Variants in DDC observed in about 807,000 individuals in gnomAD.
The protein encoded by DDC is aromatic-L-amino-acid decarboxylase.
A neutral mutation model predicts 60.0 loss-of-function variants in DDC; 43 were observed. That is an observed-to-expected ratio of 0.72 (90% CI 0.56 to 0.92). The LOEUF (loss-of-function observed/expected upper bound fraction) is 0.92, where lower values mean the gene tolerates loss of function less well. Among genes scored for constraint, DDC ranks in the 40% least tolerant of loss-of-function variants. DDC has a pLI of 0.00. For synonymous variants in DDC, 232 were observed against 234.6 expected, an observed-to-expected ratio of 0.99 and a Z score of 0.10; for missense variants, 573 against 620.2, an observed-to-expected ratio of 0.92 and a Z score of 0.81.
intron 6 of DDC, among the ~76,000 whole-genome samples, chr7:50,521,876 G>A (rs2043900782): frequency 6.6e-6 from 1 of 152,144 alleles, no homozygotes; most frequent in Admixed American, 6.5e-5. Context: ...CAGGAATGAG[G>A]CAAGGATGTC....
At chr7:50,494,869 G>A (rs1354889921) in intron 9 of DDC, among the ~76,000 whole-genome samples, 1 of 151,924 alleles carries the variant, frequency 6.6e-6, no homozygotes, top group African/African-American at 2.4e-5. Flanking sequence ...TACCATGTTG[G>A]CCAGGCTGGT....
chr7:50,547,862 C>A (rs915341550), intron 1 of DDC, among the ~76,000 whole-genome samples: 1 of 152,198 alleles, frequency 6.6e-6, no homozygotes, highest in African/African-American at 2.4e-5. Context: ...AGGTACACCC[C>A]GTTTTATTGC....
intron 1 of DDC, among the ~76,000 whole-genome samples, chr7:50,549,004 C>G (rs145908000): frequency 6.6e-6 from 1 of 152,180 alleles, no homozygotes; most frequent in East Asian, 1.9e-4. Context: ...ATAAATGGAA[C>G]AACAAAGCCT....
At chr7:50,540,838 C>G (rs2044607194) in intron 2 of DDC, among the ~76,000 whole-genome samples, 1 of 152,172 alleles carries the variant, frequency 6.6e-6, no homozygotes, top group African/African-American at 2.4e-5. Context: ...CAGGGGGTTT[C>G]AGGATCCAGG....
At chr7:50,542,578 G>C (rs2044668528) in intron 2 of DDC, 1 of 152,156 alleles carries the variant, frequency 6.6e-6, no homozygotes, top group African/African-American at 2.4e-5. Flanking sequence ...CTTGCCCAAC[G>C]CCTGTGCATT....
At chr7:50,476,284 C>G (rs1029232841) in intron 11 of DDC, among the ~76,000 whole-genome samples, 2 of 152,200 alleles carry the variant, frequency 1.3e-5, no homozygotes, top group African/African-American at 4.8e-5. Context: ...CCCTCACTCT[C>G]CCACTGCCAC....
At chr7:50,511,534 C>T (rs2043579805) in intron 6 of DDC, among the ~76,000 whole-genome samples, 1 of 152,004 alleles carries the variant, frequency 6.6e-6, no homozygotes, top group South Asian at 2.1e-4. Flanking sequence ...TGAGGCCATC[C>T]CGGCTAACAC....
chr7:50,565,116 C>T, intron 1 of DDC, among the ~76,000 whole-genome samples, 169 bp downstream of exon 1: 1 of 152,192 alleles, frequency 6.6e-6, no homozygotes, highest in Admixed American at 6.5e-5. Flanking sequence ...ACAGCCCCCA[C>T]TGAACAAAAA....
chr7:50,530,254 C>CA (rs1334267856), intron 4 of DDC, among the ~76,000 whole-genome samples: 1 of 151,628 alleles, frequency 6.6e-6, no homozygotes, highest in African/African-American at 2.4e-5. Flanking sequence ...GACCCAGTCT[C>CA]AAAAAAATAA....
intron 6 of DDC, among the ~76,000 whole-genome samples, chr7:50,504,595 C>CTA (rs901449837): frequency 4.7e-5 from 7 of 150,330 alleles, no homozygotes; most frequent in African/African-American, 7.3e-5. Flanking sequence ...ATTTTATTTT[C>CTA]TATATATATA....
At chr7:50,503,577 C>CA (rs937631002) in intron 7 of DDC, among the ~76,000 whole-genome samples, 3 of 151,688 alleles carry the variant, frequency 2.0e-5, no homozygotes, top group Non-Finnish European at 4.4e-5. Flanking sequence ...TCAGTAATTC[C>CA]AAAAAAAGGT....
intron 1 of DDC, among the ~76,000 whole-genome samples, chr7:50,562,867 A>G (rs995010682): frequency 6.6e-6 from 1 of 152,224 alleles, no homozygotes; most frequent in Non-Finnish European, 1.5e-5. Context: ...TTCAGTAGCT[A>G]TTAAAAAAAT....
chr7:50,514,756 A>C (rs1350074230), intron 6 of DDC, among the ~76,000 whole-genome samples: 5 of 152,296 alleles, frequency 3.3e-5, no homozygotes, highest in Non-Finnish European at 5.9e-5. Context: ...CTTTGGACAC[A>C]CTTTTAGAAA....
intron 1 of DDC, among the ~76,000 whole-genome samples, chr7:50,549,609 A>T (rs2044917047): frequency 6.6e-6 from 1 of 151,614 alleles, no homozygotes; most frequent in Admixed American, 6.6e-5. Context: ...GTAAGCCAAG[A>T]TCACACCACT....
intron 6 of DDC, among the ~76,000 whole-genome samples, chr7:50,506,901 G>C (rs193112820): frequency 1.3e-5 from 2 of 152,110 alleles, no homozygotes; most frequent in Non-Finnish European, 2.9e-5. Context: ...ATAATTCTCC[G>C]CATTTGTTTC....
intron 1 of DDC, among the ~76,000 whole-genome samples, chr7:50,553,454 T>C (rs1278410487): frequency 1.3e-5 from 2 of 151,016 alleles, no homozygotes; most frequent in Non-Finnish European, 2.9e-5. Flanking sequence ...GATTAGCTGC[T>C]TTCTTTTTTT....
At chr7:50,561,764 A>G (rs11575265) in intron 1 of DDC, among the ~76,000 whole-genome samples, 15 of 152,106 alleles carry the variant, frequency 9.9e-5, no homozygotes, top group African/African-American at 3.6e-4. Flanking sequence ...AAGCTAGGAA[A>G]GGGGCCTGGG....
chr7:50,479,401 A>T (rs1451446462), intron 10 of DDC, among the ~76,000 whole-genome samples: 4 of 152,142 alleles, frequency 2.6e-5, no homozygotes, highest in Non-Finnish European at 5.9e-5. Context: ...TTGCCCCCTC[A>T]TGGTATTGGT....
chr7:50,474,403 G>T (rs1489536310), intron 11 of DDC, among the ~76,000 whole-genome samples: 4 of 152,200 alleles, frequency 2.6e-5, no homozygotes, highest in Non-Finnish European at 5.9e-5. Context: ...GGAGGGAGTA[G>T]GATGAAGAAC....
Sources: allele counts gnomAD v4.1 joint callset (sites outside exome capture counted in the v4.1 genomes callset), GRCh38; gene constraint gnomAD v4.1.1; transcripts MANE v1.5; gene names NCBI Gene and HGNC (gene_info 2026-07-23, HGNC 2026-07-21).